The following RBFOX1 variants were observed in gnomAD, a reference collection of about 807,000 sequenced individuals.
The protein encoded by RBFOX1 is RNA binding protein fox-1 homolog 1.
A neutral mutation model predicts 57.7 loss-of-function variants in RBFOX1; 8 were observed. That is an observed-to-expected ratio of 0.14 (90% CI 0.08 to 0.25). The LOEUF (loss-of-function observed/expected upper bound fraction) is 0.25. Among genes scored for constraint, RBFOX1 ranks in the 10% least tolerant of loss-of-function variants. The pLI is 1.00. For missense variants in RBFOX1, 611 were observed against 548.5 expected (o/e 1.11, Z -1.14); for synonymous variants, 326 against 222.4 (o/e 1.47, Z -4.15).
intron 3 of RBFOX1, among the ~76,000 whole-genome samples, chr16:6,964,740 C>T (rs957511206): frequency 2.6e-5 from 4 of 152,170 alleles, no homozygotes; most frequent in Non-Finnish European, 5.9e-5. Flanking sequence ...GCACTTGTCC[C>T]TGCAATTCCT....
At chr16:7,421,460 G>C (rs2098541980) in intron 4 of RBFOX1, among the ~76,000 whole-genome samples, 1 of 152,218 alleles carries the variant, frequency 6.6e-6, no homozygotes, top group Non-Finnish European at 1.5e-5. Flanking sequence ...ACACCAGCCT[G>C]AATGTTTGGT....
At chr16:6,078,651 G>T (rs1214051054) in intron 1 of RBFOX1, among the ~76,000 whole-genome samples, 1 of 147,336 alleles carries the variant, frequency 6.8e-6, no homozygotes, top group Non-Finnish European at 1.5e-5. Flanking sequence ...TAAGATTGCT[G>T]TGAGGAGGCT....
intron 1 of RBFOX1, among the ~76,000 whole-genome samples, chr16:6,036,584 G>A (rs1182858290): frequency 1.4e-5 from 2 of 147,762 alleles, no homozygotes; most frequent in Admixed American, 6.9e-5. Flanking sequence ...GAAAGAAAAG[G>A]CCCTGGGTCA....
At chr16:6,552,063 G>C (rs2097000720) in intron 2 of RBFOX1, among the ~76,000 whole-genome samples, 1 of 152,162 alleles carries the variant, frequency 6.6e-6, no homozygotes, top group African/African-American at 2.4e-5. Flanking sequence ...CCTTTGCTTG[G>C]TAACAGGTTA....
chr16:6,791,972 T>C (rs1235887852), intron 3 of RBFOX1, among the ~76,000 whole-genome samples: 2 of 152,204 alleles, frequency 1.3e-5, no homozygotes, highest in Non-Finnish European at 2.9e-5. Context: ...CAAATGTGTC[T>C]TGGATTTATA....
chr16:6,757,927 A>T (rs927565030), intron 3 of RBFOX1, among the ~76,000 whole-genome samples: 3 of 152,212 alleles, frequency 2.0e-5, no homozygotes, highest in Non-Finnish European at 4.4e-5. Flanking sequence ...ATTATTATGC[A>T]TTAGTAAAAA....
intron 2 of RBFOX1, among the ~76,000 whole-genome samples, chr16:5,593,077 A>T (rs879362661): frequency 1.3e-5 from 2 of 152,202 alleles, no homozygotes; most frequent in African/African-American, 2.4e-5. Flanking sequence ...AATAGCAAAG[A>T]CCTGGAACCA....
intron 3 of RBFOX1, among the ~76,000 whole-genome samples, chr16:6,831,971 G>A (rs1013466498): frequency 5.3e-5 from 8 of 152,186 alleles, no homozygotes; most frequent in African/African-American, 1.9e-4. Context: ...ACGGGAAGAT[G>A]TTGCTAATGG....
intron 4 of RBFOX1, among the ~76,000 whole-genome samples, chr16:7,095,396 C>T (rs61029374): frequency 0.17 from 25,909 of 152,156 alleles, 2,717 homozygotes; most frequent in East Asian, 0.34. Context: ...CCTCAGCCTC[C>T]CACAGTGCTG....
intron 4 of RBFOX1, among the ~76,000 whole-genome samples, chr16:7,126,049 C>T (rs2068449259): frequency 6.6e-6 from 1 of 152,154 alleles, no homozygotes; most frequent in African/African-American, 2.4e-5. Flanking sequence ...CACCATTGCA[C>T]TGCAGCATGG....
chr16:6,530,525 C>T (rs1472671785), intron 2 of RBFOX1, among the ~76,000 whole-genome samples: 1 of 152,112 alleles, frequency 6.6e-6, no homozygotes, highest in Non-Finnish European at 1.5e-5. Flanking sequence ...AATAGACATG[C>T]AGGGGCTTCT....
chr16:6,423,141 G>A (rs1228006052), intron 2 of RBFOX1, among the ~76,000 whole-genome samples: 1 of 152,152 alleles, frequency 6.6e-6, no homozygotes, highest in Non-Finnish European at 1.5e-5. Flanking sequence ...TTTCCTCCCA[G>A]GTTGCTGCTG....
chr16:5,510,165 C>A (rs967123811), intron 2 of RBFOX1, among the ~76,000 whole-genome samples: 12 of 152,202 alleles, frequency 7.9e-5, no homozygotes, highest in African/African-American at 2.7e-4. Flanking sequence ...CTCTCTGTGC[C>A]TCAGTTTCCT....
chr16:6,289,092 T>C (rs1027860998), intron 1 of RBFOX1, among the ~76,000 whole-genome samples: 5 of 152,130 alleles, frequency 3.3e-5, no homozygotes, highest in Middle Eastern at 6.3e-3. Flanking sequence ...GAATAACTTT[T>C]GGAGGGGGTT....
intron 3 of RBFOX1, among the ~76,000 whole-genome samples, chr16:6,860,225 C>T (rs900194054): frequency 5.9e-5 from 9 of 152,110 alleles, no homozygotes; most frequent in Admixed American, 2.0e-4. Context: ...ATTGAATGCC[C>T]GTTATGTTCC....
chr16:6,765,797 C>G (rs1489233722), intron 3 of RBFOX1, among the ~76,000 whole-genome samples: 1 of 152,150 alleles, frequency 6.6e-6, no homozygotes, highest in Non-Finnish European at 1.5e-5. Flanking sequence ...AAATACTACT[C>G]AGCCATAAAA....
chr16:6,847,513 C>T (rs537368790), intron 3 of RBFOX1, among the ~76,000 whole-genome samples: 1 of 152,016 alleles, frequency 6.6e-6, no homozygotes. Context: ...TTTTATTGGC[C>T]AAAGCATGAT....
chr16:6,868,203 C>G (rs1044382260), intron 3 of RBFOX1, among the ~76,000 whole-genome samples: 1 of 152,000 alleles, frequency 6.6e-6, no homozygotes, highest in Admixed American at 6.6e-5. Flanking sequence ...ATGTTACAGC[C>G]TCCAAGTCAT....
At chr16:7,065,586 A>AATGG (rs1598532181) in intron 4 of RBFOX1, among the ~76,000 whole-genome samples, 2 of 152,332 alleles carry the variant, frequency 1.3e-5, no homozygotes, top group East Asian at 3.9e-4. Context: ...TAGTATGTGT[A>AATGG]CATTGTGAAA....
Sources: allele counts gnomAD v4.1 joint callset (sites outside exome capture counted in the v4.1 genomes callset), GRCh38; gene constraint gnomAD v4.1.1; transcripts MANE v1.5; gene names NCBI Gene and HGNC (gene_info 2026-07-23, HGNC 2026-07-21).